The following IDE variants were observed in gnomAD, a reference collection of about 807,000 sequenced individuals.
IDE encodes insulin degrading enzyme.
IDE carries 58 observed loss-of-function variants against 133.2 expected under a neutral mutation model. The observed-to-expected ratio is 0.44, with a 90% CI of 0.35 to 0.54. IDE has a LOEUF of 0.54. IDE is among the 20% of genes least tolerant of loss of function. The pLI is 0.00. For missense variants in IDE, 981 were observed against 1,234.0 expected (o/e 0.79, Z 3.07); for synonymous variants, 396 against 421.3 (o/e 0.94, Z 0.73).
At chr10:92,531,161 T>A (rs990170875) in intron 4 of IDE, among the ~76,000 whole-genome samples, 19 of 152,200 alleles carry the variant, frequency 1.2e-4, no homozygotes, top group African/African-American at 3.9e-4. Context: ...TTTAAATATT[T>A]AAACAAGTAC....
chr10:92,532,284 A>C (rs1454942830), intron 3 of IDE, among the ~76,000 whole-genome samples: 1 of 148,618 alleles, frequency 6.7e-6, no homozygotes, highest in Non-Finnish European at 1.5e-5. Context: ...AAAAAAAAAG[A>C]GAAAGAAAGA....
intron 1 of IDE, among the ~76,000 whole-genome samples, chr10:92,539,666 A>C (rs1842199468): frequency 6.6e-6 from 1 of 152,072 alleles, no homozygotes; most frequent in Admixed American, 6.5e-5. Context: ...TGGGAGGCTG[A>C]GGCAAGAGAA....
At chr10:92,458,752 G>T (rs986189851) in intron 22 of IDE, among the ~76,000 whole-genome samples, 2 of 150,788 alleles carry the variant, frequency 1.3e-5, no homozygotes, top group African/African-American at 2.4e-5. Context: ...TGCCCACCTC[G>T]GCCTCCCAAA....
intron 1 of IDE, chr10:92,541,292 T>G (rs1255323623): frequency 6.4e-6 from 3 of 470,564 alleles, no homozygotes; most frequent in South Asian, 4.7e-5. Context: ...ACGATTTGAT[T>G]CTCACCTTCT....
intron 1 of IDE, chr10:92,554,996 A>T (rs1222550238): frequency 1.3e-5 from 2 of 152,224 alleles, no homozygotes; most frequent in East Asian, 3.8e-4. Flanking sequence ...AAAACTCTCA[A>T]CAAATTAGGT....
chr10:92,526,177 A>G (rs941854718), intron 4 of IDE, among the ~76,000 whole-genome samples: 2 of 151,938 alleles, frequency 1.3e-5, no homozygotes, highest in Non-Finnish European at 2.9e-5. Context: ...AGTAAAGTAA[A>G]AGATCTCTAC....
At chr10:92,522,638 G>A (rs1368465281) in intron 4 of IDE, among the ~76,000 whole-genome samples, 2 of 152,028 alleles carry the variant, frequency 1.3e-5, no homozygotes, top group Non-Finnish European at 2.9e-5. Context: ...ATAAATTCTG[G>A]GCAACACTAA....
chr10:92,512,068 G>A (rs1196248209), intron 5 of IDE, among the ~76,000 whole-genome samples: 1 of 152,202 alleles, frequency 6.6e-6, no homozygotes, highest in Non-Finnish European at 1.5e-5. Context: ...TCAGGGAACT[G>A]AGTCCCACTC....
intron 1 of IDE, among the ~76,000 whole-genome samples, chr10:92,564,822 C>T (rs1564685460): frequency 6.6e-6 from 1 of 150,996 alleles, no homozygotes; most frequent in Admixed American, 6.6e-5. Context: ...ACTTGGGAGG[C>T]TAAGCAGAAC....
chr10:92,479,447 T>C lies in IDE; in HGVS notation c.1740-26A>G, dbSNP rs772691059. 3.2e-6 allele frequency: 5 copies of C among 1,570,316 alleles called. No individual in the cohort carries two copies. The East Asian group carries it at 6.8e-5, about 21-fold the overall frequency. On this transcript the variant is annotated intron_variant, in intron 14 of 24. Coordinates refer to ENST00000265986, the MANE Select transcript of IDE (RefSeq NM_004969.4). ...CTGGAAGAAAATGTTGACAGTAAAA[T>C]AGCTGATTTTATTACTTCTCAATGT...
At chr10:92,520,726 T>C (rs922241546) in intron 4 of IDE, among the ~76,000 whole-genome samples, 3 of 152,216 alleles carry the variant, frequency 2.0e-5, no homozygotes, top group Non-Finnish European at 2.9e-5. Context: ...AGTAAGTATA[T>C]GCAAGTACAA....
Position 92,508,931 on chromosome 10 carries a change from C to T in IDE, c.898-41G>A, listed in dbSNP as rs1423306064. Reference sequence around the variant, plus strand: ...CACAGAGATTAGCTATATACGACTCCTACTGAAGAAAATATTTCTAAACTA... The same window carrying T: ...CACAGAGATTAGCTATATACGACTCTTACTGAAGAAAATATTTCTAAACTA... On this transcript the variant is annotated intron_variant, in intron 6 of 24. Transcript: ENST00000265986. The T allele has an allele frequency of 2.7e-6, 4 of 1,455,018 alleles. No individual in the cohort carries two copies. The Admixed American group carries it at 7.0e-5, about 26-fold the overall frequency. 90.1% of individuals were successfully genotyped at this position (1,455,018 alleles called of 1,614,324 possible).
intron 4 of IDE, among the ~76,000 whole-genome samples, chr10:92,524,492 TA>T (rs1321416111): frequency 3.6e-5 from 3 of 84,268 alleles, no homozygotes; most frequent in East Asian, 2.7e-4. Context: ...TATTATATTA[TA>T]ATATATTTTA....
intron 1 of IDE, among the ~76,000 whole-genome samples, chr10:92,572,683 T>C (rs555023795): frequency 9.3e-4 from 141 of 152,308 alleles, no homozygotes; most frequent in African/African-American, 3.3e-3. Context: ...ACTGTTATAA[T>C]ACAGGACTTG....
intron 1 of IDE, among the ~76,000 whole-genome samples, chr10:92,550,194 A>C (rs1355909905): frequency 6.6e-6 from 1 of 151,878 alleles, no homozygotes. Context: ...AAACTGACCT[A>C]TATTAAAATA....
At chr10:92,536,056 G>A (rs1421427740) in intron 2 of IDE, among the ~76,000 whole-genome samples, 2 of 150,790 alleles carry the variant, frequency 1.3e-5, no homozygotes, top group Admixed American at 1.3e-4. Flanking sequence ...AAAAAAAGAA[G>A]CAACCTGATT....
intron 1 of IDE, among the ~76,000 whole-genome samples, chr10:92,570,659 G>A (rs142936418): frequency 1.3e-5 from 2 of 152,246 alleles, no homozygotes; most frequent in African/African-American, 2.4e-5. Flanking sequence ...AGTGGCTCAT[G>A]CCTGTAACCC....
At chr10:92,514,095 TCTC>T (rs1271003880) in intron 5 of IDE, among the ~76,000 whole-genome samples, 1 of 152,178 alleles carries the variant, frequency 6.6e-6, no homozygotes. Context: ...TCCTTTTATA[TCTC>T]CTATTTGAAC....
rs567536107 is a variant in IDE, at chr10:92,507,388, C to A, written c.1245+187G>T. On this transcript the variant is annotated intron_variant, in intron 9 of 24. Transcript: ENST00000265986. ...CACGATGCCTTTCCCCTTAGTTGTG[C>A]CCCAAGTAGCAAATCAGACTAGTAC... Among the ~76,000 whole-genome samples, 3 of 152,246 alleles carry A rather than the reference C, an allele frequency of 2.0e-5. No individual in the cohort carries two copies. In the South Asian group the frequency reaches 6.2e-4, roughly 32 times the overall value.
Sources: gnomAD v4.1 joint callset for allele counts (sites outside exome capture counted in the v4.1 genomes callset) on GRCh38, gnomAD v4.1.1 for gene constraint, MANE v1.5 for transcripts, NCBI Gene and HGNC (gene_info 2026-07-23, HGNC 2026-07-21) for gene names.